Variants in MCMDC2 observed in about 807,000 individuals in gnomAD.
MCMDC2 encodes minichromosome maintenance domain containing 2, also known as minichromosome maintenance domain-containing protein 2.
MCMDC2 carries 54 observed loss-of-function variants against 75.8 expected under a neutral mutation model. That is an observed-to-expected ratio of 0.71 (90% CI 0.57 to 0.89). The LOEUF (loss-of-function observed/expected upper bound fraction) is 0.89, where lower values mean the gene tolerates loss of function less well. Ranked by LOEUF, MCMDC2 falls within the 40% of genes least tolerant of loss-of-function variation. The pLI is 0.00. For synonymous variants in MCMDC2, 249 were observed against 274.6 expected (o/e 0.91, Z 0.92); for missense variants, 656 against 780.4 (o/e 0.84, Z 1.90).
chr8:66,924,788 A>ATACT (rs1813669973), downstream of MCMDC2, among the ~76,000 whole-genome samples: 2 of 152,282 alleles, frequency 1.3e-5, no homozygotes, highest in South Asian at 4.1e-4. Context: ...AGGGCCTCCT[A>ATACT]TACTTGCACG....
Position 66,885,689 on chromosome 8 carries a change from T to A in MCMDC2, c.1073+1695T>A, listed in dbSNP as rs1471192436. 2.0e-5 allele frequency among the ~76,000 whole-genome samples: 3 copies of A among 152,158 alleles called. No individual in the cohort carries two copies. In the East Asian group the frequency reaches 5.8e-4, roughly 29 times the overall value. On this transcript the variant is annotated intron_variant, in intron 9 of 14. Transcript: ENST00000422365. Reference sequence around the variant, plus strand: ...CATCATCACTAAAAACATTGAGTTTTGACAAATTTAACATACACTCCTTTA... The same window carrying A: ...CATCATCACTAAAAACATTGAGTTTAGACAAATTTAACATACACTCCTTTA...
chr8:66,915,992 A>T (rs1224051417), intron 14 of MCMDC2, among the ~76,000 whole-genome samples: 2 of 152,170 alleles, frequency 1.3e-5, no homozygotes, highest in African/African-American at 2.4e-5. Flanking sequence ...CAGTTTGGTA[A>T]CCTAAAGGTT....
rs978550609 is a variant in MCMDC2, at chr8:66,912,894, G to A, written c.1880-6109G>A. Among the ~76,000 whole-genome samples the A allele has an allele frequency of 4.0e-5, 6 of 151,712 alleles. No homozygotes were observed. The East Asian group carries it at 1.2e-3, about 29-fold the overall frequency. ...ACGTGTATACCTATGTTACAAACCTGCACGTTCTGCACATGTACCCCAGAA... is the reference window on the plus strand; with the variant it reads ...ACGTGTATACCTATGTTACAAACCTACACGTTCTGCACATGTACCCCAGAA... On this transcript the variant is annotated intron_variant, in intron 14 of 14. Coordinates refer to ENST00000422365, the MANE Select transcript of MCMDC2 (RefSeq NM_173518.5).
intron 13 of MCMDC2, among the ~76,000 whole-genome samples, chr8:66,904,278 A>G (rs1812821484): frequency 1.3e-5 from 2 of 152,200 alleles, no homozygotes; most frequent in South Asian, 4.1e-4. Flanking sequence ...CTCATAGCAT[A>G]GTAAAGGAAC....
chr8:66,884,324 C>A lies in MCMDC2; in HGVS notation c.1073+330C>A, dbSNP rs150187894. ...TCTTCCCCCTAAGGAACAAACTAACCATTTTCTTATTTTTCTTCAATATTC... is the reference window on the plus strand; with the variant it reads ...TCTTCCCCCTAAGGAACAAACTAACAATTTTCTTATTTTTCTTCAATATTC... On this transcript the variant is annotated intron_variant, in intron 9 of 14. Coordinates refer to ENST00000422365, the MANE Select transcript of MCMDC2 (RefSeq NM_173518.5). 5.1e-3 allele frequency: 1,593 copies of A among 312,770 alleles called. 22 individuals carry two copies. The highest frequency in any genetic ancestry group is 0.024 in the African/African-American group (1,146 of 46,822). 19.4% of individuals were successfully genotyped at this position (312,770 alleles called of 1,614,324 possible).
intron 14 of MCMDC2, among the ~76,000 whole-genome samples, chr8:66,911,598 C>T (rs550419222): frequency 2.0e-5 from 3 of 149,982 alleles, no homozygotes; most frequent in Admixed American, 2.0e-4. Context: ...CCGAGGCAGG[C>T]AGATCACCCT....
chr8:66,879,941 A>C (rs1332743924), intron 7 of MCMDC2, among the ~76,000 whole-genome samples: 1 of 152,220 alleles, frequency 6.6e-6, no homozygotes, highest in African/African-American at 2.4e-5. Flanking sequence ...CACAGAGATA[A>C]GTTAACCCTT....
At chr8:66,918,583 TAA>T (rs1813407240) in intron 14 of MCMDC2, among the ~76,000 whole-genome samples, 1 of 152,184 alleles carries the variant, frequency 6.6e-6, no homozygotes, top group Non-Finnish European at 1.5e-5. Context: ...CGTTATCAAA[TAA>T]AGATTAGTAT....
At position 66,901,325 on chromosome 8, in the gene MCMDC2, G is replaced by A. The variant is rs1812647595; in HGVS notation, c.1746G>A (p.Leu582=). Residue 582 remains leucine, a synonymous_variant, in exon 13 of 15, where the codon CTG becomes CTA. Coordinates refer to ENST00000422365, the MANE Select transcript of MCMDC2 (RefSeq NM_173518.5). ...IRTGSVCGSK[L]SASALKYLVF... ...CAGGCTCTGTATGTGGATCAAAGCT[G>A]TCAGCATCTGCATTAAAATATCTGT... 2 of 1,611,538 alleles carry A rather than the reference G, an allele frequency of 1.2e-6. No homozygotes were observed. Among genetic ancestry groups the A allele is most frequent in the African/African-American group, 2.7e-5 (2 of 74,974 alleles).
chr8:66,872,969 A>C (rs1054183934), intron 1 of MCMDC2, among the ~76,000 whole-genome samples: 6 of 151,450 alleles, frequency 4.0e-5, no homozygotes, highest in South Asian at 2.1e-4. Context: ...AAAAAAAAAA[A>C]AAAAAAAAAA....
chr8:66,902,711 A>AAAAT (rs1467425752), intron 13 of MCMDC2, among the ~76,000 whole-genome samples: 914 of 67,796 alleles, frequency 0.013, 20 homozygotes, highest in Non-Finnish European at 0.02. Context: ...AAAAAAAAAA[A>AAAAT]ATATATATAT....
At chr8:66,887,140 T>A (rs1158783240) in intron 9 of MCMDC2, among the ~76,000 whole-genome samples, 1 of 152,198 alleles carries the variant, frequency 6.6e-6, no homozygotes, top group Non-Finnish European at 1.5e-5. Flanking sequence ...ATAAAGCTTT[T>A]TAAAAATTGT....
Position 66,890,889 on chromosome 8 carries a change from TGTCCCCC to T in MCMDC2, c.1101_1107del (p.Pro368ValfsTer5). Reference sequence around the variant, plus strand: ...GGCTTCTGAATTTTAGCATAAACCTTGTCCCCCGTGGTATACGTCATCTAGTCTCTAC... The same window carrying T: ...GGCTTCTGAATTTTAGCATAAACCTTGTGGTATACGTCATCTAGTCTCTAC... On this transcript the variant is annotated frameshift_variant, in exon 10 of 15. Transcript: ENST00000422365. LOFTEE classifies it high-confidence loss of function. The T allele has an allele frequency of 6.2e-7, 1 of 1,609,644 alleles. No homozygotes were observed. Among genetic ancestry groups the T allele is most frequent in the Non-Finnish European group, 8.5e-7 (1 of 1,179,068 alleles).
At position 66,877,528 on chromosome 8, in the gene MCMDC2, A is replaced by G; in HGVS notation, c.465A>G (p.Ala155=). 2 of 1,597,716 alleles carry G rather than the reference A, an allele frequency of 1.3e-6. No individual in the cohort carries two copies. Among genetic ancestry groups the G allele is most frequent in the Non-Finnish European group, 1.7e-6 (2 of 1,175,420 alleles). The change falls in exon 5 of 15, where the codon GCA becomes GCG. Residue 155 remains alanine, a synonymous_variant. Transcript: ENST00000422365. ...QGARFLCSDE[A]CPLSKGFQYI... ...CAAGATTTCTTTGTTCAGATGAAGCATGCCCTCTTTCAAAAGGTAAATGTT... is the reference window on the plus strand; with the variant it reads ...CAAGATTTCTTTGTTCAGATGAAGCGTGCCCTCTTTCAAAAGGTAAATGTT...
chr8:66,913,041 T>C (rs961025980), intron 14 of MCMDC2, among the ~76,000 whole-genome samples: 1 of 152,148 alleles, frequency 6.6e-6, no homozygotes, highest in Non-Finnish European at 1.5e-5. Context: ...ACTTCATTGT[T>C]GTCTCATTTT....
At chr8:66,899,920 G>A (rs111318547) in intron 12 of MCMDC2, among the ~76,000 whole-genome samples, 5,564 of 150,906 alleles carry the variant, frequency 0.037, 154 homozygotes, top group Middle Eastern at 0.054. Flanking sequence ...TCAAGAGTTC[G>A]AGACCAGCCT....
At chr8:66,901,944 A>T (rs990220117) in intron 13 of MCMDC2, among the ~76,000 whole-genome samples, 65 of 152,076 alleles carry the variant, frequency 4.3e-4, no homozygotes, top group African/African-American at 1.5e-3. Context: ...AAAGAAAAAA[A>T]ATATGGGTGT....
rs1408615110 is a variant in MCMDC2 at position 66,896,673 on chromosome 8, TAAC to T, written c.1447-106_1447-104del. 22 of 782,164 alleles carry T rather than the reference TAAC, an allele frequency of 2.8e-5. No homozygotes were observed. In the African/African-American group the frequency reaches 2.9e-4, roughly 10 times the overall value. 48.5% of individuals were successfully genotyped at this position (782,164 alleles called of 1,614,324 possible). A position where few individuals can be genotyped will look rare whatever the true frequency, so the allele number is the denominator to read the frequency against. On this transcript the variant is annotated intron_variant, in intron 11 of 14. Transcript: ENST00000422365. ...AAATTATAATTAATATGATAAATAA[TAAC>T]TTTAATAATAACAACATATAATAAT...
At position 66,883,987 on chromosome 8, in the gene MCMDC2, A is replaced by G. The variant is rs377152235; in HGVS notation, c.1066A>G (p.Ile356Val). 10 of 1,593,526 alleles carry G rather than the reference A, an allele frequency of 6.3e-6. No individual in the cohort carries two copies. The highest frequency in any genetic ancestry group is 8.6e-6 in the Non-Finnish European group (10 of 1,161,878). The change falls in exon 9 of 15, where the codon ATA becomes GTA. Residue 356 changes from isoleucine (I) to valine (V), a missense_variant. Physicochemically the swap from Ile to Val is conservative, Grantham distance 29. Transcript: ENST00000422365. The stretch of plus-strand genomic sequence containing the variant: ...AATTATAACAAGTGATACTCTACTC[A>G]TAGACAGGTATATATGTGACATGAA... ...ILIITSDTLLIDRLLNFSINL... is the reference protein window; with the variant it reads ...ILIITSDTLLVDRLLNFSINL...
Sources: allele counts gnomAD v4.1 joint callset (sites outside exome capture counted in the v4.1 genomes callset), GRCh38; gene constraint gnomAD v4.1.1; transcripts MANE v1.5; gene names NCBI Gene and HGNC (gene_info 2026-07-23, HGNC 2026-07-21).